The following RASGRF2 variants were observed in gnomAD, a reference collection of about 807,000 sequenced individuals.
RASGRF2 encodes the protein Ras protein specific guanine nucleotide releasing factor 2.
RASGRF2 carries 76 observed loss-of-function variants against 151.0 expected under a neutral mutation model. The observed-to-expected ratio is 0.50, with a 90% CI of 0.42 to 0.61. The LOEUF is 0.61. Among genes scored for constraint, RASGRF2 ranks in the 20% least tolerant of loss-of-function variants. The pLI is 0.00. For synonymous variants in RASGRF2, 504 were observed against 566.5 expected, an observed-to-expected ratio of 0.89 and a Z score of 1.57; for missense variants, 1,148 against 1,564.6, an observed-to-expected ratio of 0.73 and a Z score of 4.49.
At position 81,092,709 on chromosome 5, in the gene RASGRF2, G is replaced by A. The variant is rs528425535; in HGVS notation, c.1391-92G>A. On this transcript the variant is annotated intron_variant, in intron 9 of 26. Transcript: ENST00000265080. The stretch of plus-strand genomic sequence containing the variant: ...CACATAAATCAATCCCTGGTATTTT[G>A]GGAAACAGACCTTAGTGTTTATTGC... The A allele has an allele frequency of 2.5e-6, 3 of 1,189,784 alleles. No homozygotes were observed. In the African/African-American group the frequency reaches 4.6e-5, roughly 18 times the overall value. The allele number at this position is 1,189,784 out of a possible 1,614,324, so 73.7% of individuals were successfully genotyped here. A position where few individuals can be genotyped will look rare whatever the true frequency, so the allele number is the denominator to read the frequency against.
chr5:80,988,984 T>TC (rs1748561400), intron 1 of RASGRF2, among the ~76,000 whole-genome samples: 1 of 147,164 alleles, frequency 6.8e-6, no homozygotes, highest in Non-Finnish European at 1.5e-5. Flanking sequence ...CATAATTGAT[T>TC]TTTTTTTTTT....
Position 81,219,771 on chromosome 5 carries a change from A to G in RASGRF2, c.3614A>G (p.Gln1205Arg). ...FQQTSYRIDH[Q>R]PKVAQYLLDK... ...CAGACTTCCTACAGAATAGATCATCAGCCAAAGGTAATATTATGTGGCTGT... is the reference window on the plus strand; with the variant it reads ...CAGACTTCCTACAGAATAGATCATCGGCCAAAGGTAATATTATGTGGCTGT... The change falls in exon 26 of 27, where the codon CAG becomes CGG. Residue 1205 changes from glutamine (Q) to arginine (R), a missense_variant. By Grantham distance (43) the Gln-to-Arg change is conservative. Around this residue, in one of 5 missense-constraint regions of RASGRF2, gnomAD observed 100 missense variants for 148.2 expected, o/e 0.67. Transcript: ENST00000265080. The G allele has an allele frequency of 6.2e-7, 1 of 1,601,204 alleles. No individual in the cohort carries two copies. Among genetic ancestry groups the G allele is most frequent in the Non-Finnish European group, 8.6e-7 (1 of 1,168,398 alleles).
At chr5:81,051,361 A>G (rs535906008) in intron 2 of RASGRF2, among the ~76,000 whole-genome samples, 12 of 152,336 alleles carry the variant, frequency 7.9e-5, no homozygotes, top group Admixed American at 2.6e-4. Flanking sequence ...GAAGTTTATC[A>G]TTTTAAAGTG....
At position 81,042,892 on chromosome 5, in the gene RASGRF2, C is replaced by A; in HGVS notation, c.304C>A (p.Leu102Ile). 10 of 1,610,718 alleles carry A rather than the reference C, an allele frequency of 6.2e-6. No homozygotes were observed. The highest frequency in any genetic ancestry group is 8.5e-6 in the Non-Finnish European group (10 of 1,178,772). ...TTCTTTCCAGTATTACTTTACTGTT[C>A]TTTTTGGCCATGAAGGTCAGAAGCC... Reference protein sequence around the residue: ...ALDKQYYFTVLFGHEGQKPLE... With the variant: ...ALDKQYYFTVIFGHEGQKPLE... Residue 102 changes from leucine to isoleucine, a missense_variant, in exon 2 of 27, where the codon CTT becomes ATT. Around this residue, in one of 5 missense-constraint regions of RASGRF2, gnomAD observed 221 missense variants for 271.3 expected, o/e 0.81. Transcript: ENST00000265080.
chr5:81,208,840 C>T (rs778123682), intron 22 of RASGRF2, among the ~76,000 whole-genome samples: 9 of 152,076 alleles, frequency 5.9e-5, no homozygotes, highest in East Asian at 1.9e-4. Flanking sequence ...CGTGAGCCAC[C>T]GCACCTGGCC....
At chr5:81,168,307 C>CT (rs768375572) in intron 17 of RASGRF2, among the ~76,000 whole-genome samples, 1 of 80,922 alleles carries the variant, frequency 1.2e-5, no homozygotes. Flanking sequence ...TTTTTTTCTT[C>CT]TCTTTTTTTT....
chr5:81,073,113 G>T (rs1280352739), intron 4 of RASGRF2, 86 bp from the exon 5 acceptor site: 1 of 1,457,072 alleles, frequency 6.9e-7, no homozygotes, highest in Admixed American at 2.2e-5. Flanking sequence ...CTGCAAAATT[G>T]ATTTTTAATT....
rs1361445408 is a variant in RASGRF2, at chr5:81,228,089, T to A, written c.*2319T>A. Reference sequence around the variant, plus strand: ...AATTGCTATGCTGACTTTTAGGGGGTTTTTGTTTGTTTGAAAAACAGGGTC... The same window carrying A: ...AATTGCTATGCTGACTTTTAGGGGGATTTTGTTTGTTTGAAAAACAGGGTC... On this transcript the variant is annotated 3_prime_UTR_variant, in exon 27 of 27. Coordinates refer to ENST00000265080, the MANE Select transcript of RASGRF2 (RefSeq NM_006909.3). The A allele has an allele frequency of 6.6e-6, 1 of 152,012 alleles. No individual in the cohort carries two copies. The allele number at this position is 152,012 out of a possible 1,614,324, so 9.4% of individuals were successfully genotyped here. A position where few individuals can be genotyped will look rare whatever the true frequency, so the allele number is the denominator to read the frequency against.
intron 19 of RASGRF2, among the ~76,000 whole-genome samples, chr5:81,204,943 T>A (rs1053363489): frequency 1.3e-5 from 2 of 152,220 alleles, no homozygotes; most frequent in African/African-American, 2.4e-5. Flanking sequence ...CATAAAAAGA[T>A]CTTTCCCACT....
At chr5:81,209,041 A>G (rs1755574396) in intron 22 of RASGRF2, among the ~76,000 whole-genome samples, 1 of 152,182 alleles carries the variant, frequency 6.6e-6, no homozygotes, top group South Asian at 2.1e-4. Context: ...TCCTGTTCAT[A>G]TATTGACTAA....
chr5:81,210,439 GA>G (rs1284020950), intron 22 of RASGRF2, among the ~76,000 whole-genome samples: 2 of 152,228 alleles, frequency 1.3e-5, no homozygotes, highest in Non-Finnish European at 2.9e-5. Context: ...ACCTTTTACA[GA>G]CAATAGTGGC....
At chr5:81,084,233 C>T (rs907851248) in intron 7 of RASGRF2, among the ~76,000 whole-genome samples, 9 of 152,220 alleles carry the variant, frequency 5.9e-5, no homozygotes, top group African/African-American at 1.7e-4. Flanking sequence ...AGCTTTCCTA[C>T]ACCTGTCCTG....
intron 17 of RASGRF2, among the ~76,000 whole-genome samples, chr5:81,135,123 A>G (rs141865833): frequency 1.3e-5 from 2 of 150,030 alleles, no homozygotes; most frequent in African/African-American, 5.0e-5. Flanking sequence ...CCTGGGCAAC[A>G]TAGTAAAACC....
intron 1 of RASGRF2, among the ~76,000 whole-genome samples, chr5:80,992,613 A>C (rs1042184539): frequency 6.6e-6 from 1 of 152,170 alleles, no homozygotes; most frequent in Non-Finnish European, 1.5e-5. Context: ...TCTCATTCCA[A>C]TTTGAGCTTG....
At chr5:80,985,668 G>T (rs996742709) in intron 1 of RASGRF2, among the ~76,000 whole-genome samples, 16 of 152,170 alleles carry the variant, frequency 1.1e-4, no homozygotes, top group Non-Finnish European at 1.9e-4. Context: ...TGCTACAATT[G>T]TGATCGCCAG....
At chr5:81,114,575 T>A (rs183561409) in intron 15 of RASGRF2, among the ~76,000 whole-genome samples, 3 of 152,346 alleles carry the variant, frequency 2.0e-5, no homozygotes, top group Non-Finnish European at 4.4e-5. Context: ...ACACTTAGAA[T>A]AAAGTACATT....
chr5:81,124,665 G>A lies in RASGRF2; in HGVS notation c.2596+898G>A, dbSNP rs555150300. Among the ~76,000 whole-genome samples, 11 of 150,882 alleles carry A rather than the reference G, an allele frequency of 7.3e-5. No individual in the cohort carries two copies. The South Asian group carries it at 1.9e-3, about 26-fold the overall frequency. The stretch of plus-strand genomic sequence containing the variant: ...AAGCATTACTCCATAATTTGTTTGG[G>A]AACATAATAAATGTCCTCTAATTGG... On this transcript the variant is annotated intron_variant, in intron 16 of 26. Transcript: ENST00000265080.
intron 1 of RASGRF2, among the ~76,000 whole-genome samples, chr5:80,967,431 A>T (rs1338254040): frequency 6.6e-6 from 1 of 152,280 alleles, no homozygotes; most frequent in Non-Finnish European, 1.5e-5. Context: ...AATAAAATTT[A>T]TTGATCCTTT....
In RASGRF2 at chr5:81,085,840, T is replaced by G. The variant is rs778619172; in HGVS notation, c.1200T>G (p.Ala400=). The G allele has an allele frequency of 6.2e-7, 1 of 1,614,008 alleles. No individual in the cohort carries two copies. The highest frequency in any genetic ancestry group is 1.3e-5 in the African/African-American group (1 of 74,906). Residue 400 remains alanine (A), a synonymous_variant, in exon 8 of 27, where the codon GCT becomes GCG. Transcript: ENST00000265080. ...RYIITLHELL[A]HTPHEHVERK... ...TCATCACACTCCATGAGCTCCTTGC[T>G]CACACACCCCATGAGCATGTGGAAA... is the stretch of plus-strand genomic sequence containing the variant.
Sources: gnomAD v4.1 joint callset for allele counts (sites outside exome capture counted in the v4.1 genomes callset) on GRCh38, gnomAD v4.1.1 for gene constraint, gnomAD v4.1.1 regional missense constraint, MANE v1.5 for transcripts, NCBI Gene and HGNC (gene_info 2026-07-23, HGNC 2026-07-21) for gene names.